CCDC141: variants seen among roughly 807,000 people sequenced by gnomAD.
The protein encoded by CCDC141 is coiled-coil domain containing 141.
CCDC141 carries 168 observed loss-of-function variants against 181.0 expected under a neutral mutation model. The ratio of observed to expected loss-of-function variants is 0.93; its 90% CI spans 0.82 to 1.05. CCDC141 has a LOEUF of 1.05. Ranked by LOEUF, CCDC141 falls within the 50% of genes least tolerant of loss-of-function variation. CCDC141 has a pLI of 0.00. For synonymous variants in CCDC141, 666 were observed against 642.3 expected, an observed-to-expected ratio of 1.04 and a Z score of -0.56; for missense variants, 1,902 against 1,788.5, an observed-to-expected ratio of 1.06 and a Z score of -1.14.
intron 2 of CCDC141, among the ~76,000 whole-genome samples, chr2:179,009,390 G>C (rs781170723): frequency 6.6e-6 from 1 of 152,248 alleles, no homozygotes; most frequent in Admixed American, 6.5e-5. Flanking sequence ...ATTTGGGTAT[G>C]CTCTCTCAGA....
rs773233344 is a variant in CCDC141, at chr2:178,865,808, G to A, written c.2683C>T (p.Arg895Cys). The A allele has an allele frequency of 1.8e-5, 29 of 1,601,674 alleles. No individual in the cohort carries two copies. The highest frequency in any genetic ancestry group is 1.2e-4 in the Admixed American group (7 of 58,094). Reference sequence around the variant, plus strand: ...CTCATGGCGCAGTACTCCACACTACGGGACAGGGTCCGTCCATACTCCTCA... The same window carrying A: ...CTCATGGCGCAGTACTCCACACTACAGGACAGGGTCCGTCCATACTCCTCA... ...KAEEYGRTLS[R>C]SVEYCAMRDE... Residue 895 changes from arginine (R) to cysteine (C), a missense_variant, in exon 17 of 24, where the codon CGT becomes TGT. Physicochemically the swap from Arg to Cys is radical, Grantham distance 180. Transcript: ENST00000443758.
intron 5 of CCDC141, among the ~76,000 whole-genome samples, chr2:178,953,119 A>G (rs1559003598): frequency 6.6e-6 from 1 of 152,224 alleles, no homozygotes; most frequent in African/African-American, 2.4e-5. Flanking sequence ...GTAATTTGAC[A>G]AGATGGCTCA....
chr2:178,821,406 T>C, the CCDC141 span, among the ~76,000 whole-genome samples: 1 of 152,186 alleles, frequency 6.6e-6, no homozygotes, highest in African/African-American at 2.4e-5. Flanking sequence ...ACTGTTCTCT[T>C]GATCATTTGG....
At chr2:178,817,779 CT>C in the CCDC141 span, 1,113 of 255,906 alleles carry the variant, frequency 4.3e-3, 9 homozygotes, top group African/African-American at 0.018. Flanking sequence ...TCCCTCCTCC[CT>C]TCCTTCCTTC....
chr2:178,918,472 C>T (rs1688548070), intron 7 of CCDC141, among the ~76,000 whole-genome samples: 1 of 152,012 alleles, frequency 6.6e-6, no homozygotes, highest in Admixed American at 6.6e-5. Context: ...GACAAAAAAC[C>T]CTCACGAGGT....
intron 2 of CCDC141, among the ~76,000 whole-genome samples, chr2:179,015,357 A>G (rs1217030814): frequency 7.1e-6 from 1 of 140,426 alleles, no homozygotes; most frequent in African/African-American, 2.6e-5. Flanking sequence ...TATCATACAT[A>G]TCCCATATAT....
At chr2:178,983,546 CAAAGAAGTTG>C (rs1240601826) in intron 2 of CCDC141, among the ~76,000 whole-genome samples, 2 of 146,306 alleles carry the variant, frequency 1.4e-5, no homozygotes, top group African/African-American at 5.0e-5. Context: ...AAACCAAAGG[CAAAGAAGTTG>C]AAAACTTTGA....
At chr2:178,879,965 A>G (rs1252372113) in intron 11 of CCDC141, among the ~76,000 whole-genome samples, 1 of 152,206 alleles carries the variant, frequency 6.6e-6, no homozygotes, top group African/African-American at 2.4e-5. Context: ...AAAACTGGCC[A>G]GCAGGTTTCA....
At chr2:179,047,040 T>C in intron 2 of CCDC141, among the ~76,000 whole-genome samples, 1 of 152,228 alleles carries the variant, frequency 6.6e-6, no homozygotes, top group East Asian at 1.9e-4. Context: ...AAAAAATTAC[T>C]CATTTCTCCA....
intron 17 of CCDC141, among the ~76,000 whole-genome samples, chr2:178,860,088 C>G (rs1387759066): frequency 2.0e-5 from 3 of 152,170 alleles, no homozygotes; most frequent in African/African-American, 7.2e-5. Context: ...AATGACTGGT[C>G]AATCTCCACA....
intron 5 of CCDC141, among the ~76,000 whole-genome samples, chr2:178,947,042 C>T (rs1428979958): frequency 3.3e-5 from 5 of 152,176 alleles, no homozygotes; most frequent in African/African-American, 1.2e-4. Context: ...CAGGAGCAGA[C>T]TCTTCGATCA....
chr2:179,006,589 T>A (rs1158546332), intron 2 of CCDC141, among the ~76,000 whole-genome samples: 1 of 152,110 alleles, frequency 6.6e-6, no homozygotes, highest in African/African-American at 2.4e-5. Flanking sequence ...GCACAAGGAG[T>A]AGCTGAAATC....
chr2:178,893,302 G>A (rs1343378043), intron 8 of CCDC141, among the ~76,000 whole-genome samples: 5 of 151,662 alleles, frequency 3.3e-5, no homozygotes, highest in Non-Finnish European at 7.4e-5. Context: ...TATGGAAGCA[G>A]TTGCCCTATC....
chr2:178,877,993 C>T lies in CCDC141; in HGVS notation c.1870G>A (p.Gly624Arg), dbSNP rs1426838807. The T allele has an allele frequency of 6.2e-7, 1 of 1,613,858 alleles. No individual in the cohort carries two copies. ...TTTATTAAATTAAGGAACTCAAGCC[C>T]TAGATCTTGTGTTATAAAACTCTTC... ...LKKSFITQDL[G>R]LEFLNLINMA... The change falls in exon 12 of 24, where the codon GGG becomes AGG. Residue 624 changes from glycine to arginine, a missense_variant. Physicochemically the swap from Gly to Arg is moderately radical, Grantham distance 125. Transcript: ENST00000443758.
At chr2:178,994,465 T>C (rs977044811) in intron 2 of CCDC141, among the ~76,000 whole-genome samples, 1 of 152,202 alleles carries the variant, frequency 6.6e-6, no homozygotes, top group African/African-American at 2.4e-5. Context: ...GTCCCTAGGC[T>C]GCACACAGCA....
intron 11 of CCDC141, among the ~76,000 whole-genome samples, chr2:178,884,000 C>A (rs1465648189): frequency 6.6e-6 from 1 of 152,070 alleles, no homozygotes; most frequent in East Asian, 1.9e-4. Flanking sequence ...TTCAAATGAA[C>A]CACACTAACT....
In CCDC141 at chr2:178,931,906, G is replaced by A. The variant is rs183609390; in HGVS notation, c.897+12629C>T. Among the ~76,000 whole-genome samples the A allele has an allele frequency of 2.1e-3, 323 of 152,162 alleles. 1 individual carries two copies. The highest frequency in any genetic ancestry group is 0.013 in the South Asian group (61 of 4,804). On this transcript the variant is annotated intron_variant, in intron 6 of 23. Coordinates refer to ENST00000443758, the MANE Select transcript of CCDC141 (RefSeq NM_173648.4). ...TATGGCCAGATATGGTGACTCACGC[G>A]TGTAATCCCTGCACTTTGGGAGGCT...
At chr2:178,954,581 G>A (rs1226081349) in intron 5 of CCDC141, among the ~76,000 whole-genome samples, 1 of 152,094 alleles carries the variant, frequency 6.6e-6, no homozygotes, top group African/African-American at 2.4e-5. Flanking sequence ...AAAGCATTAG[G>A]CCACAGCACT....
rs1362526453 is a variant in CCDC141, at chr2:178,831,440, T to G, written c.*2733A>C. 6.6e-6 allele frequency: 1 copy of G among 152,218 alleles called. No homozygotes were observed. The highest frequency in any genetic ancestry group is 2.4e-5 in the African/African-American group (1 of 41,476). The allele number at this position is 152,218 out of a possible 1,614,324, so 9.4% of individuals were successfully genotyped here. On this transcript the variant is annotated 3_prime_UTR_variant, in exon 24 of 24. Transcript: ENST00000443758. ...CCTGCTAGACAAATTCTAAAAGAGC[T>G]GTAACACATGTAATTTTTAAACTTT...
Sources: allele counts gnomAD v4.1 joint callset (sites outside exome capture counted in the v4.1 genomes callset), GRCh38; gene constraint gnomAD v4.1.1; transcripts MANE v1.5; gene names NCBI Gene and HGNC (gene_info 2026-07-23, HGNC 2026-07-21).